Variants in VTA1 observed in about 807,000 individuals in gnomAD.
VTA1 encodes vacuolar protein sorting-associated protein VTA1 homolog.
VTA1 carries 24 observed loss-of-function variants against 36.9 expected under a neutral mutation model. The ratio of observed to expected loss-of-function variants is 0.65; its 90% CI spans 0.47 to 0.91. The LOEUF is 0.91. Among genes scored for constraint, VTA1 ranks in the 40% least tolerant of loss-of-function variants. The pLI is 0.00. For synonymous variants in VTA1, 142 were observed against 130.2 expected (o/e 1.09, Z -0.62); for missense variants, 393 against 377.2 (o/e 1.04, Z -0.35).
At position 142,187,872 on chromosome 6, in the gene VTA1, T is replaced by C. The variant is rs530094508; in HGVS notation, c.412-1554T>C. Among the ~76,000 whole-genome samples, 20 of 151,326 alleles carry C rather than the reference T, an allele frequency of 1.3e-4. No individual in the cohort carries two copies. In the East Asian group the frequency reaches 2.3e-3, roughly 18 times the overall value. Reference sequence around the variant, plus strand: ...GGACCACCTGCTGCATTTGTACTTATCAGTGACTTCGTGGATCTTTGCAAA... The same window carrying C: ...GGACCACCTGCTGCATTTGTACTTACCAGTGACTTCGTGGATCTTTGCAAA... On this transcript the variant is annotated intron_variant, in intron 4 of 7. Coordinates refer to ENST00000367630, the MANE Select transcript of VTA1 (RefSeq NM_016485.5).
Position 142,166,263 on chromosome 6 carries a change from G to A in VTA1, c.148G>A (p.Asp50Asn), listed in dbSNP as rs568714142. Residue 50 changes from aspartate (D) to asparagine (N), a missense_variant, in exon 2 of 8, where the codon GAT becomes AAT. Physicochemically the swap from Asp to Asn is conservative, Grantham distance 23. Coordinates refer to ENST00000367630, the MANE Select transcript of VTA1 (RefSeq NM_016485.5). ...LYAMQTGMKI[D>N]SKTPECRKFL... ...CGCAATGCAGACTGGAATGAAGATC[G>A]ATAGTAAAACTCCTGAATGTCGCAA... 2.2e-5 allele frequency: 36 copies of A among 1,611,948 alleles called. No homozygotes were observed. The highest frequency in any genetic ancestry group is 1.7e-4 in the Middle Eastern group (1 of 6,042).
At chr6:142,162,917 G>C (rs368802063) in intron 1 of VTA1, among the ~76,000 whole-genome samples, 24 of 152,274 alleles carry the variant, frequency 1.6e-4, no homozygotes, top group Admixed American at 1.2e-3. Flanking sequence ...GTGGGCGCTT[G>C]ATGTATTGAT....
Position 142,178,336 on chromosome 6 carries a change from A to C in VTA1, c.411+7915A>C, listed in dbSNP as rs185368138. ...AAACAAATGAACAAAAACCCTGTCA[A>C]CTCAGAATTCTATATACAGCAAAGC... On this transcript the variant is annotated intron_variant, in intron 4 of 7. Coordinates refer to ENST00000367630, the MANE Select transcript of VTA1 (RefSeq NM_016485.5). 2.3e-3 allele frequency among the ~76,000 whole-genome samples: 354 copies of C among 152,276 alleles called. 1 individual carries two copies. The highest frequency in any genetic ancestry group is 7.9e-3 in the African/African-American group (327 of 41,574).
intron 1 of VTA1, among the ~76,000 whole-genome samples, chr6:142,149,914 C>T (rs1778535145): frequency 6.6e-6 from 1 of 152,010 alleles, no homozygotes; most frequent in African/African-American, 2.4e-5. Flanking sequence ...ACATGTTTTG[C>T]ACTTCTCCCA....
At chr6:142,171,739 G>A (rs1274364326) in intron 4 of VTA1, among the ~76,000 whole-genome samples, 1 of 152,154 alleles carries the variant, frequency 6.6e-6, no homozygotes, top group East Asian at 1.9e-4. Context: ...ATACATATGT[G>A]TTATATGAGT....
chr6:142,179,700 C>T (rs1435836084), intron 4 of VTA1, among the ~76,000 whole-genome samples: 1 of 151,954 alleles, frequency 6.6e-6, no homozygotes, highest in Non-Finnish European at 1.5e-5. Context: ...TATGGTTTAC[C>T]CAGGTATATT....
chr6:142,198,096 CAA>C (rs200763527), intron 5 of VTA1, among the ~76,000 whole-genome samples: 34 of 100,362 alleles, frequency 3.4e-4, no homozygotes, highest in South Asian at 1.7e-3. Flanking sequence ...GACTCCGTCT[CAA>C]AAAAAAATAT....
intron 4 of VTA1, among the ~76,000 whole-genome samples, chr6:142,187,807 A>T (rs1329374813): frequency 6.6e-6 from 1 of 152,122 alleles, no homozygotes; most frequent in Non-Finnish European, 1.5e-5. Flanking sequence ...CTGTAGTAGT[A>T]TCTAGAGACT....
chr6:142,207,803 G>A (rs1474811112), intron 7 of VTA1, among the ~76,000 whole-genome samples: 2 of 152,072 alleles, frequency 1.3e-5, no homozygotes, highest in East Asian at 3.9e-4. Flanking sequence ...AAAAATCCTG[G>A]CCGGGCACTG....
At chr6:142,211,446 T>A (rs1369731075) in intron 7 of VTA1, among the ~76,000 whole-genome samples, 2 of 152,114 alleles carry the variant, frequency 1.3e-5, no homozygotes, top group Admixed American at 1.3e-4. Flanking sequence ...AGATTAAAAT[T>A]TTCTGCCCTT....
chr6:142,210,383 G>A (rs1045989798), intron 7 of VTA1, among the ~76,000 whole-genome samples: 4 of 152,094 alleles, frequency 2.6e-5, no homozygotes, highest in African/African-American at 9.7e-5. Context: ...TTTTTTGTGT[G>A]TAAGACCTCG....
chr6:142,154,238 A>G (rs889360910), intron 1 of VTA1, among the ~76,000 whole-genome samples: 1 of 152,086 alleles, frequency 6.6e-6, no homozygotes, highest in African/African-American at 2.4e-5. Context: ...ATGTTCTATT[A>G]AATGAAATCA....
In VTA1 at chr6:142,174,487, G is replaced by C. The variant is rs575837542; in HGVS notation, c.411+4066G>C. 8.4e-4 allele frequency among the ~76,000 whole-genome samples: 128 copies of C among 152,272 alleles called. 3 individuals carry two copies. In the South Asian group the frequency reaches 0.027, roughly 32 times the overall value. ...CTTTTAATCTTACAGGCTCACAGGT[G>C]GAAGGAATGTGCCTTGATTCTTAGA... On this transcript the variant is annotated intron_variant, in intron 4 of 7. Transcript: ENST00000367630.
chr6:142,180,149 C>T (rs1775199305), intron 4 of VTA1, among the ~76,000 whole-genome samples: 1 of 152,196 alleles, frequency 6.6e-6, no homozygotes, highest in Admixed American at 6.5e-5. Context: ...GCCTGATTTT[C>T]TGTTCTAATT....
chr6:142,207,724 A>G (rs1340100754), intron 7 of VTA1, among the ~76,000 whole-genome samples: 1 of 152,158 alleles, frequency 6.6e-6, no homozygotes. Flanking sequence ...TTCCAGTGCA[A>G]AGACATAGGA....
chr6:142,203,906 A>G (rs1263028594), intron 6 of VTA1, 79 bp from the exon 7 acceptor site: 13 of 1,169,974 alleles, frequency 1.1e-5, no homozygotes, highest in Non-Finnish European at 1.6e-5. Flanking sequence ...AAATTGCCTC[A>G]TGATTTTTAA....
At chr6:142,173,750 G>A (rs1264518184) in intron 4 of VTA1, among the ~76,000 whole-genome samples, 1 of 152,122 alleles carries the variant, frequency 6.6e-6, no homozygotes, top group South Asian at 2.1e-4. Context: ...TGTATTTCAG[G>A]AGAATAATCT....
intron 4 of VTA1, among the ~76,000 whole-genome samples, chr6:142,188,672 G>A (rs973224536): frequency 6.6e-6 from 1 of 152,132 alleles, no homozygotes; most frequent in African/African-American, 2.4e-5. Flanking sequence ...AAGTGATAAC[G>A]ATGCCACTAT....
chr6:142,160,550 T>C (rs1774781949), intron 1 of VTA1, among the ~76,000 whole-genome samples: 1 of 152,018 alleles, frequency 6.6e-6, no homozygotes, highest in Non-Finnish European at 1.5e-5. Flanking sequence ...CTCCAGTGTG[T>C]TTTTTCAACT....
Sources: allele counts gnomAD v4.1 joint callset (sites outside exome capture counted in the v4.1 genomes callset), GRCh38; gene constraint gnomAD v4.1.1; transcripts MANE v1.5; gene names NCBI Gene and HGNC (gene_info 2026-07-23, HGNC 2026-07-21).